Variants in NLRP8 observed in about 807,000 individuals in gnomAD.
The protein encoded by NLRP8 is NACHT, LRR and PYD domains-containing protein 8.
A neutral mutation model predicts 88.7 loss-of-function variants in NLRP8; 86 were observed. The ratio of observed to expected loss-of-function variants is 0.97; its 90% CI spans 0.81 to 1.16. The LOEUF is 1.16. NLRP8 is among the 50% of genes most tolerant of loss of function. The pLI is 0.00. For synonymous variants in NLRP8, 504 were observed against 494.6 expected (o/e 1.02, Z -0.25); for missense variants, 1,342 against 1,286.5 (o/e 1.04, Z -0.66).
chr19:55,950,651 C>T (rs932096851), intron 1 of NLRP8, among the ~76,000 whole-genome samples: 1 of 152,236 alleles, frequency 6.6e-6, no homozygotes, highest in African/African-American at 2.4e-5. Context: ...GGCTTTAGCT[C>T]TCACCCCGTA....
chr19:55,984,165 A>G (rs1204883919), intron 9 of NLRP8, among the ~76,000 whole-genome samples: 3 of 152,198 alleles, frequency 2.0e-5, no homozygotes, highest in Admixed American at 6.5e-5. Context: ...ATGTGATTAC[A>G]TACATAGAAC....
At chr19:55,953,487 T>C (rs1979187699) in intron 2 of NLRP8, among the ~76,000 whole-genome samples, 1 of 139,942 alleles carries the variant, frequency 7.1e-6, no homozygotes, top group South Asian at 2.2e-4. Flanking sequence ...TATTTCTTTC[T>C]TTCTTTCTTT....
chr19:55,962,199 C>T lies in NLRP8; in HGVS notation c.2175C>T (p.Ala725=), dbSNP rs759831564. The T allele has an allele frequency of 9.2e-5, 149 of 1,613,932 alleles. No homozygotes were observed. Among genetic ancestry groups the T allele is most frequent in the Middle Eastern group, 6.6e-4 (4 of 6,040 alleles). The change falls in exon 4 of 10, where the codon GCC becomes GCT. Residue 725 remains alanine (A), a synonymous_variant. Transcript: ENST00000291971. ...CTCCTTTTTTGAAGGCTCTCGCGGC[C>T]GCACTGAGGCACCCTCAGTGCAAAC...
chr19:55,961,952 A>T (rs1333854488), intron 3 of NLRP8, 115 bp from the exon 4 acceptor site: 2 of 890,000 alleles, frequency 2.2e-6, no homozygotes. Flanking sequence ...GATGTCTTAG[A>T]GTCACTAGAG....
chr19:55,957,673 T>TAATAATATATA (rs1378405360), intron 3 of NLRP8, among the ~76,000 whole-genome samples: 5 of 31,212 alleles, frequency 1.6e-4, no homozygotes, highest in African/African-American at 2.4e-4. Context: ...AAAATAATAA[T>TAATAATATATA]TATATATATA....
Position 55,955,880 on chromosome 19 carries a change from C to G in NLRP8, c.1822C>G (p.Gln608Glu), listed in dbSNP as rs1979332920. The G allele has an allele frequency of 1.2e-6, 2 of 1,614,038 alleles. No homozygotes were observed. Among genetic ancestry groups the G allele is most frequent in the African/African-American group, 1.3e-5 (1 of 74,924 alleles). The change falls in exon 3 of 10, where the codon CAG becomes GAG. Residue 608 changes from glutamine to glutamate, a missense_variant. Coordinates refer to ENST00000291971, the MANE Select transcript of NLRP8 (RefSeq NM_176811.2). ...ACCTTCTCCGGGCAGTGGGGTCCCG[C>G]AGTTATTCTACTGTCTGCATGAAAT...
In NLRP8 at chr19:55,979,414, C is replaced by T; in HGVS notation, c.2897C>T (p.Thr966Ile). ...CACAGGCTGGAAAACTGCCTGTTCACCTCCATCTGCTGCCAGGCCATGGCT... is the reference window on the plus strand; with the variant it reads ...CACAGGCTGGAAAACTGCCTGTTCATCTCCATCTGCTGCCAGGCCATGGCT... Residue 966 changes from threonine to isoleucine, a missense_variant, in exon 9 of 10, where the codon ACC (threonine) becomes ATC (isoleucine). By Grantham distance (89) the Thr-to-Ile change is moderately conservative. Coordinates refer to ENST00000291971, the MANE Select transcript of NLRP8 (RefSeq NM_176811.2). The T allele has an allele frequency of 6.2e-7, 1 of 1,613,922 alleles. No individual in the cohort carries two copies. Among genetic ancestry groups the T allele is most frequent in the Middle Eastern group, 1.7e-4 (1 of 5,826 alleles).
intron 5 of NLRP8, among the ~76,000 whole-genome samples, chr19:55,967,848 A>G (rs1205628996): frequency 6.6e-6 from 1 of 152,260 alleles, no homozygotes; most frequent in African/African-American, 2.4e-5. Flanking sequence ...AACAAAAGTC[A>G]TAGATTATCA....
At chr19:55,965,100 A>G (rs1032716325) in intron 4 of NLRP8, among the ~76,000 whole-genome samples, 4 of 152,116 alleles carry the variant, frequency 2.6e-5, no homozygotes, top group African/African-American at 7.2e-5. Context: ...AGCCTGGACA[A>G]CATAGTGAGA....
At position 55,966,370 on chromosome 19, in the gene NLRP8, C is replaced by G; in HGVS notation, c.2371C>G (p.Gln791Glu). The change falls in exon 5 of 10, where the codon CAG (glutamine) becomes GAG (glutamate). Residue 791 changes from glutamine to glutamate, a missense_variant. Physicochemically the swap from Gln to Glu is conservative, Grantham distance 29. Coordinates refer to ENST00000291971, the MANE Select transcript of NLRP8 (RefSeq NM_176811.2). ...GCTGAGATCCCCCCGGTGCCGTCTG[C>G]AGTGTCTCAGGTGAGATTTGAGAGG... is the stretch of plus-strand genomic sequence containing the variant. The G allele has an allele frequency of 6.2e-7, 1 of 1,613,762 alleles. No homozygotes were observed. The highest frequency in any genetic ancestry group is 2.2e-5 in the East Asian group (1 of 44,874).
chr19:55,954,349 T>A (rs1032929907), intron 2 of NLRP8, 152 bp from the exon 3 acceptor site: 12 of 771,830 alleles, frequency 1.6e-5, no homozygotes, highest in Admixed American at 1.4e-4. Context: ...GCTTCCTAGT[T>A]GACACAGCAG....
intron 5 of NLRP8, among the ~76,000 whole-genome samples, chr19:55,969,193 G>A (rs1002344143): frequency 2.0e-5 from 3 of 152,082 alleles, no homozygotes; most frequent in Non-Finnish European, 4.4e-5. Context: ...TAAGACTTTA[G>A]TGCACTTGTC....
intron 9 of NLRP8, among the ~76,000 whole-genome samples, 146 bp downstream of exon 10, chr19:55,981,304 A>G (rs1054312585): frequency 1.3e-5 from 2 of 151,794 alleles, no homozygotes; most frequent in Admixed American, 6.6e-5. Context: ...GAATGGCTCC[A>G]TTCGTTCTGG....
chr19:55,976,805 C>A (rs1200728304), intron 8 of NLRP8, among the ~76,000 whole-genome samples: 2 of 150,588 alleles, frequency 1.3e-5, no homozygotes, highest in Non-Finnish European at 3.0e-5. Flanking sequence ...TGTGGCCAGG[C>A]GCGGTGGCTC....
chr19:55,969,035 G>A (rs2064730084), intron 5 of NLRP8, among the ~76,000 whole-genome samples: 1 of 152,154 alleles, frequency 6.6e-6, no homozygotes, highest in African/African-American at 2.4e-5. Flanking sequence ...TGCACACCAG[G>A]ACTCCCTCTT....
At chr19:55,949,698 C>T (rs374919313) in intron 1 of NLRP8, among the ~76,000 whole-genome samples, 4 of 151,628 alleles carry the variant, frequency 2.6e-5, no homozygotes, top group Admixed American at 1.3e-4. Context: ...GCTGTGAACC[C>T]GCCTCTCCCA....
At chr19:55,972,570 C>T (rs1332541498) in intron 6 of NLRP8, among the ~76,000 whole-genome samples, 1 of 151,874 alleles carries the variant, frequency 6.6e-6, no homozygotes, top group African/African-American at 2.4e-5. Flanking sequence ...AGTCTTTTAT[C>T]CCTTGCCACC....
chr19:55,949,365 G>A (rs1222588412), intron 1 of NLRP8, among the ~76,000 whole-genome samples: 1 of 152,014 alleles, frequency 6.6e-6, no homozygotes, highest in African/African-American at 2.4e-5. Context: ...AGCCTCCCCA[G>A]TAGCTGGGAT....
intron 3 of NLRP8, among the ~76,000 whole-genome samples, chr19:55,957,670 TAATTATATATATA>T (rs1169044671): frequency 1.3e-4 from 7 of 51,860 alleles, no homozygotes; most frequent in African/African-American, 6.2e-4. Context: ...GAAAAAATAA[TAATTATATATATA>T]TATATATATA....
Sources: allele counts gnomAD v4.1 joint callset (sites outside exome capture counted in the v4.1 genomes callset), GRCh38; gene constraint gnomAD v4.1.1; transcripts MANE v1.5; gene names NCBI Gene and HGNC (gene_info 2026-07-23, HGNC 2026-07-21).